Variants in ALKBH1 observed in about 807,000 individuals in gnomAD.
The protein encoded by ALKBH1 is nucleic acid dioxygenase ALKBH1.
A neutral mutation model predicts 36.6 loss-of-function variants in ALKBH1; 31 were observed. The ratio of observed to expected loss-of-function variants is 0.85; its 90% CI spans 0.64 to 1.14. The LOEUF is 1.14. ALKBH1 is among the 50% of genes most tolerant of loss of function. The pLI is 0.00. For missense variants in ALKBH1, 490 were observed against 497.3 expected, an observed-to-expected ratio of 0.99 and a Z score of 0.14; for synonymous variants, 183 against 186.6, an observed-to-expected ratio of 0.98 and a Z score of 0.16.
intron 3 of ALKBH1, among the ~76,000 whole-genome samples, chr14:77,692,969 G>T (rs1243204440): frequency 2.0e-5 from 3 of 151,772 alleles, no homozygotes; most frequent in Admixed American, 2.0e-4. Flanking sequence ...ACTTTGGGAG[G>T]CCGAGGTGGG....
chr14:77,688,770 C>T (rs148909995), intron 3 of ALKBH1, among the ~76,000 whole-genome samples: 1,807 of 152,020 alleles, frequency 0.012, 32 homozygotes, highest in Middle Eastern at 0.024. Flanking sequence ...CGGGGTTTCA[C>T]CATGTTGGCC....
intron 3 of ALKBH1, among the ~76,000 whole-genome samples, chr14:77,680,869 G>C (rs192603070): frequency 6.6e-6 from 1 of 152,044 alleles, no homozygotes; most frequent in African/African-American, 2.4e-5. Context: ...AGTAGAGACG[G>C]AGTTTCTCCA....
Position 77,695,482 on chromosome 14 carries a change from G to A in ALKBH1, c.293-582C>T, listed in dbSNP as rs150270703. Among the ~76,000 whole-genome samples the A allele has an allele frequency of 1.6e-3, 245 of 152,258 alleles. 1 individual carries two copies. The highest frequency in any genetic ancestry group is 2.8e-3 in the African/African-American group (116 of 41,556). On this transcript the variant is annotated intron_variant, in intron 2 of 5. Transcript: ENST00000216489. ...GGTCACTAATGGAAGACTGGAGGGC[G>A]GAAGTTGGTTCTAATGTAGCTTTTC...
At chr14:77,693,217 A>AC (rs1177411563) in intron 3 of ALKBH1, among the ~76,000 whole-genome samples, 3 of 126,594 alleles carry the variant, frequency 2.4e-5, no homozygotes, top group Non-Finnish European at 5.2e-5. Flanking sequence ...AAAAAAAAAA[A>AC]AAAAAAATTT....
intron 5 of ALKBH1, among the ~76,000 whole-genome samples, chr14:77,674,758 G>GCTCAAA (rs1387303911): frequency 5.3e-5 from 8 of 152,062 alleles, no homozygotes; most frequent in African/African-American, 1.9e-4. Context: ...TACCGTGTTG[G>GCTCAAA]CCAGGCTGGT....
chr14:77,688,553 CTTTT>C (rs11395756), intron 3 of ALKBH1, among the ~76,000 whole-genome samples: 26,231 of 125,784 alleles, frequency 0.21, 2,547 homozygotes, highest in Middle Eastern at 0.28. Context: ...TGCACCCAGC[CTTTT>C]TTTTTTTTTT....
intron 3 of ALKBH1, among the ~76,000 whole-genome samples, chr14:77,682,850 C>T (rs748944866): frequency 1.1e-4 from 17 of 152,064 alleles, no homozygotes; most frequent in Non-Finnish European, 2.4e-4. Context: ...GAATGCACCA[C>T]CACGCCTGGC....
At chr14:77,707,759 G>GT (rs1250979723) in intron 1 of ALKBH1, 63 bp downstream of exon 1, 5 of 1,522,728 alleles carry the variant, frequency 3.3e-6, no homozygotes, top group East Asian at 2.3e-5. Flanking sequence ...AAGAAGACAC[G>GT]TAAGTCCCTC....
At chr14:77,674,741 G>A (rs995815281) in intron 5 of ALKBH1, among the ~76,000 whole-genome samples, 12 of 152,042 alleles carry the variant, frequency 7.9e-5, no homozygotes, top group Non-Finnish European at 1.2e-4. Flanking sequence ...TAGTAGAGAT[G>A]GGGTTTTACC....
At chr14:77,688,674 C>T (rs766625732) in intron 3 of ALKBH1, among the ~76,000 whole-genome samples, 6 of 151,414 alleles carry the variant, frequency 4.0e-5, no homozygotes, top group East Asian at 1.9e-4. Flanking sequence ...CACGTTCAAG[C>T]GATTCTCTCA....
intron 3 of ALKBH1, among the ~76,000 whole-genome samples, chr14:77,687,461 T>C (rs1343051586): frequency 2.0e-5 from 3 of 151,724 alleles, no homozygotes; most frequent in Non-Finnish European, 4.4e-5. Context: ...TTGTCACTTA[T>C]GCAAGCTACC....
chr14:77,673,813 C>T lies in ALKBH1; in HGVS notation c.1169G>A (p.Ter390=). The T allele has an allele frequency of 6.2e-7, 1 of 1,608,794 alleles. No homozygotes were observed. The highest frequency in any genetic ancestry group is 1.1e-5 in the South Asian group (1 of 90,688). The part of the protein sequence containing the change: ...VKRARINPDS[*] ...TAAAAAGGATGGGATCTCCAAGTCTCAGCTGTCAGGGTTTATCCTGGCCCG... is the reference window on the plus strand; with the variant it reads ...TAAAAAGGATGGGATCTCCAAGTCTTAGCTGTCAGGGTTTATCCTGGCCCG... Residue 390 remains the stop codon, a stop_retained_variant, in exon 6 of 6, where the codon TGA becomes TAA. Coordinates refer to ENST00000216489, the MANE Select transcript of ALKBH1 (RefSeq NM_006020.3).
chr14:77,681,510 TCA>T (rs1326905968), intron 3 of ALKBH1, among the ~76,000 whole-genome samples: 3 of 152,228 alleles, frequency 2.0e-5, no homozygotes, highest in African/African-American at 4.8e-5. Context: ...CTATCTGTCC[TCA>T]CAGAGTTTAC....
chr14:77,683,633 G>T, intron 3 of ALKBH1: 1 of 283,656 alleles, frequency 3.5e-6, no homozygotes, highest in Non-Finnish European at 6.7e-6. Context: ...GTGCAGTGGT[G>T]CAATCTCGGC....
At chr14:77,691,246 A>C (rs957102292) in intron 3 of ALKBH1, among the ~76,000 whole-genome samples, 3 of 152,172 alleles carry the variant, frequency 2.0e-5, no homozygotes, top group African/African-American at 7.2e-5. Context: ...TTTTTGCTTA[A>C]GTTCAAGTAT....
At chr14:77,678,990 A>AT (rs983937686) in intron 4 of ALKBH1, among the ~76,000 whole-genome samples, 3 of 151,772 alleles carry the variant, frequency 2.0e-5, no homozygotes, top group Admixed American at 1.3e-4. Flanking sequence ...TAATTTTTCT[A>AT]TTTTTTGTAG....
At chr14:77,703,297 CTT>C (rs879794546) in intron 2 of ALKBH1, among the ~76,000 whole-genome samples, 13 of 140,526 alleles carry the variant, frequency 9.3e-5, no homozygotes, top group Admixed American at 7.2e-5. Context: ...TTAGGACTTT[CTT>C]TTTTTTTTTT....
intron 3 of ALKBH1, among the ~76,000 whole-genome samples, chr14:77,680,943 T>C (rs1014114817): frequency 4.6e-5 from 7 of 152,130 alleles, no homozygotes; most frequent in African/African-American, 1.7e-4. Flanking sequence ...CCCAAAATGC[T>C]GGGATTACAG....
At chr14:77,684,449 C>T (rs939901056) in intron 3 of ALKBH1, among the ~76,000 whole-genome samples, 2 of 152,112 alleles carry the variant, frequency 1.3e-5, no homozygotes, top group South Asian at 4.1e-4. Context: ...GCAACCTCCG[C>T]CTCCCAGGTT....
Sources: allele counts gnomAD v4.1 joint callset (sites outside exome capture counted in the v4.1 genomes callset), GRCh38; gene constraint gnomAD v4.1.1; transcripts MANE v1.5; gene names NCBI Gene and HGNC (gene_info 2026-07-23, HGNC 2026-07-21).